The following AKAP3 variants were observed in gnomAD, a reference collection of about 807,000 sequenced individuals.
AKAP3 encodes A-kinase anchoring protein 3.
Under a neutral mutation model 57.2 loss-of-function variants are expected in AKAP3, and 27 were observed. The observed-to-expected ratio is 0.47, with a 90% CI of 0.35 to 0.65. The LOEUF is 0.65. Ranked by LOEUF, AKAP3 falls within the 30% of genes least tolerant of loss-of-function variation. The pLI is 0.01. For synonymous variants in AKAP3, 334 were observed against 392.3 expected (o/e 0.85, Z 1.76); for missense variants, 959 against 1,040.0 (o/e 0.92, Z 1.07).
chr12:4,627,918 C>G lies in AKAP3; in HGVS notation c.984G>C (p.Glu328Asp). 1.2e-6 allele frequency: 2 copies of G among 1,614,124 alleles called. No homozygotes were observed. Among genetic ancestry groups the G allele is most frequent in the Non-Finnish European group, 1.7e-6 (2 of 1,180,014 alleles). The change falls in exon 5 of 6, where the codon GAG (glutamate) becomes GAC (aspartate). Residue 328 changes from glutamate (E) to aspartate (D), a missense_variant. By Grantham distance (45) the Glu-to-Asp change is conservative. Coordinates refer to ENST00000228850, the MANE Select transcript of AKAP3 (RefSeq NM_001278309.2). ...LKKVLLKHAK[E>D]VVSDLIDSFL... ...AGGAGTCGATGAGATCCGAGACCAC[C>G]TCTTTTGCATGCTTGAGCAGAACCT...
chr12:4,632,251 G>A lies in AKAP3; in HGVS notation c.97-3446C>T, dbSNP rs568280971. Among the ~76,000 whole-genome samples the A allele has an allele frequency of 5.3e-5, 8 of 152,256 alleles. No individual in the cohort carries two copies. The South Asian group carries it at 1.0e-3, about 20-fold the overall frequency. ...AGGCTACCTCTTTAAATCTGTTAAT[G>A]AGTCTGTTCATCTTCTCCACTTAGA... On this transcript the variant is annotated intron_variant, in intron 4 of 5. Transcript: ENST00000228850.
rs138981206 is a variant in AKAP3, at chr12:4,626,980, T to C, written c.1922A>G (p.Tyr641Cys). 3 of 1,614,150 alleles carry C rather than the reference T, an allele frequency of 1.9e-6. No individual in the cohort carries two copies. In the South Asian group the frequency reaches 3.3e-5, roughly 18 times the overall value. ...GGCACCAGGGGTCTCATCATCCTCATATAGCCTGGGGGGAGAAGACGCCAA... is the reference window on the plus strand; with the variant it reads ...GGCACCAGGGGTCTCATCATCCTCACATAGCCTGGGGGGAGAAGACGCCAA... ...RPLASSPPRL[Y>C]EDDETPGALS... is the part of the protein sequence containing the mutation. Residue 641 changes from tyrosine (Y) to cysteine (C), a missense_variant, in exon 5 of 6, where the codon TAT becomes TGT. Tyr to Cys is a radical substitution (Grantham distance 194, BLOSUM62 -2). Coordinates refer to ENST00000228850, the MANE Select transcript of AKAP3 (RefSeq NM_001278309.2).
In AKAP3 at chr12:4,634,012, C is replaced by T. The variant is rs527848667; in HGVS notation, c.96+4089G>A. Among the ~76,000 whole-genome samples the T allele has an allele frequency of 3.2e-4, 48 of 149,000 alleles. No individual in the cohort carries two copies. The South Asian group carries it at 1.0e-2, about 31-fold the overall frequency. On this transcript the variant is annotated intron_variant, in intron 4 of 5. Transcript: ENST00000228850. ...GCTTTTTATACCACTTTATTCAAAC[C>T]TGAGCACCTCAATATAAAACTAAAC... is the stretch of plus-strand genomic sequence containing the variant.
At position 4,627,511 on chromosome 12, in the gene AKAP3, G is replaced by C. The variant is rs11063266; in HGVS notation, c.1391C>G (p.Thr464Ser). ...TAGAGATTTACATTCTTTCTGCTGAGTTTTATGCCACAAGGTAAGCCCCTC... is the reference window on the plus strand; with the variant it reads ...TAGAGATTTACATTCTTTCTGCTGACTTTTATGCCACAAGGTAAGCCCCTC... ...IKEGLTLWHK[T>S]QQKECKSLGF... Residue 464 changes from threonine (T) to serine (S), a missense_variant, in exon 5 of 6, where the codon ACT (threonine) becomes AGT (serine). Transcript: ENST00000228850. 0.98 allele frequency: 1,583,190 copies of C among 1,614,148 alleles called. 777,867 individuals are homozygous for C. The highest frequency in any genetic ancestry group is 1 in the Non-Finnish European group (1,177,197 of 1,180,042).
intron 5 of AKAP3, among the ~76,000 whole-genome samples, chr12:4,621,117 TAAAA>T (rs1230771452): frequency 1.3e-5 from 2 of 151,366 alleles, no homozygotes; most frequent in African/African-American, 4.9e-5. Context: ...TAATAAAAAA[TAAAA>T]AAATTAAATA....
At position 4,627,280 on chromosome 12, in the gene AKAP3, T is replaced by C. The variant is rs1043118003; in HGVS notation, c.1622A>G (p.Gln541Arg). Reference sequence around the variant, plus strand: ...GCTCCGTGCATCCCTTCTTCCTCCCTGGGCCAGGTGATATTGAATCAGAAG... The same window carrying C: ...GCTCCGTGCATCCCTTCTTCCTCCCCGGGCCAGGTGATATTGAATCAGAAG... ...ALLLIQYHLA[Q>R]GGRRDARSFV... Residue 541 changes from glutamine to arginine, a missense_variant, in exon 5 of 6, where the codon CAG becomes CGG. Transcript: ENST00000228850. 1 of 1,614,012 alleles carries C rather than the reference T, an allele frequency of 6.2e-7. No homozygotes were observed. Among genetic ancestry groups the C allele is most frequent in the South Asian group, 1.1e-5 (1 of 91,064 alleles).
chr12:4,627,961 G>A lies in AKAP3; in HGVS notation c.941C>T (p.Ala314Val). Residue 314 changes from alanine to valine, a missense_variant, in exon 5 of 6, where the codon GCC becomes GTC. Transcript: ENST00000228850. ...CAGAACCTTCTTCAGTAGGATGGTG[G>A]CAATGGTTGTGTCTTTCACTTGGAT... ...LKIQVKDTTI[A>V]TILLKKVLLK... The A allele has an allele frequency of 6.2e-7, 1 of 1,614,032 alleles. No individual in the cohort carries two copies. The highest frequency in any genetic ancestry group is 8.5e-7 in the Non-Finnish European group (1 of 1,179,984).
chr12:4,648,859 A>G lies in AKAP3; in HGVS notation c.-359T>C. ...GCATGTCCTGAGTCAGTCACTGGTT[A>G]ACTCTGAACTTCAGGTTCCTCGGCA... On this transcript the variant is annotated 5_prime_UTR_variant, in exon 1 of 6. Coordinates refer to ENST00000228850, the MANE Select transcript of AKAP3 (RefSeq NM_001278309.2). 4.2e-6 allele frequency: 2 copies of G among 475,356 alleles called. No homozygotes were observed. The highest frequency in any genetic ancestry group is 6.2e-5 in the South Asian group (2 of 32,212). 29.4% of individuals were successfully genotyped at this position (475,356 alleles called of 1,614,324 possible).
intron 3 of AKAP3, among the ~76,000 whole-genome samples, chr12:4,639,601 G>C (rs11063277): frequency 0.12 from 11,984 of 99,272 alleles, 644 homozygotes; most frequent in South Asian, 0.21. Context: ...AACAGGCCCC[G>C]GTGTGTGATG....
chr12:4,624,315 ACGTGTGTGTGTGTGTG>A (rs36224523), intron 5 of AKAP3, among the ~76,000 whole-genome samples: 61,164 of 146,114 alleles, frequency 0.42, 13,802 homozygotes, highest in Middle Eastern at 0.52. Flanking sequence ...TTGTGACTTT[ACGTGTGTGTGTGTGTG>A]TGTGTGTGTG....
intron 2 of AKAP3, among the ~76,000 whole-genome samples, chr12:4,642,983 C>T (rs183141176): frequency 9.4e-4 from 143 of 152,290 alleles, no homozygotes; most frequent in Non-Finnish European, 1.6e-3. Context: ...ATATTCAAGA[C>T]GCCTTGAAGC....
At chr12:4,620,643 T>C (rs7134765) in intron 5 of AKAP3, among the ~76,000 whole-genome samples, 51,196 of 151,924 alleles carry the variant, frequency 0.34, 9,073 homozygotes, top group East Asian at 0.67. Flanking sequence ...ATGATGGTGG[T>C]TCCATATGCT....
chr12:4,639,351 A>T (rs1225138223), intron 3 of AKAP3, among the ~76,000 whole-genome samples: 2 of 151,080 alleles, frequency 1.3e-5, no homozygotes, highest in East Asian at 1.9e-4. Flanking sequence ...TTCCCTCTTC[A>T]TCCCTTAGGC....
chr12:4,639,005 TTCTC>T (rs1198762578), intron 3 of AKAP3, among the ~76,000 whole-genome samples: 1 of 152,330 alleles, frequency 6.6e-6, no homozygotes, highest in East Asian at 1.9e-4. Context: ...TAGCTACTAT[TTCTC>T]TCTTTTTCCA....
At chr12:4,615,946 C>T in intron 5 of AKAP3, 52 bp from the exon 6 acceptor site, 39 of 1,607,244 alleles carry the variant, frequency 2.4e-5, no homozygotes, top group Non-Finnish European at 3.0e-5. Context: ...TCATGGCAGG[C>T]CAGATGGAGC....
intron 5 of AKAP3, among the ~76,000 whole-genome samples, chr12:4,617,342 C>G (rs1417967674): frequency 6.6e-6 from 1 of 152,220 alleles, no homozygotes; most frequent in Non-Finnish European, 1.5e-5. Context: ...GGAAGTTCTT[C>G]AGAGAGAAGG....
intron 4 of AKAP3, chr12:4,635,950 G>T: frequency 1.0e-6 from 1 of 985,536 alleles, no homozygotes; most frequent in Non-Finnish European, 1.6e-6. Context: ...TTTTCTTTTT[G>T]GGCCCATATT....
At chr12:4,622,623 T>C (rs1934057847) in intron 5 of AKAP3, among the ~76,000 whole-genome samples, 1 of 152,048 alleles carries the variant, frequency 6.6e-6, no homozygotes, top group Non-Finnish European at 1.5e-5. Context: ...TATACAAAAA[T>C]CAACTCAACA....
rs3083731 is a variant in AKAP3, at chr12:4,634,745, AACAC to A, written c.96+3352_96+3355del. 1.7e-4 allele frequency among the ~76,000 whole-genome samples: 11 copies of A among 65,030 alleles called. No homozygotes were observed. In the South Asian group the frequency reaches 4.4e-3, roughly 26 times the overall value. The allele number at this position is 65,030 out of a possible 152,430, so 42.7% of individuals were successfully genotyped here. A position where few individuals can be genotyped will look rare whatever the true frequency, so the allele number is the denominator to read the frequency against. On this transcript the variant is annotated intron_variant, in intron 4 of 5. Transcript: ENST00000228850. Reference sequence around the variant, plus strand: ...TTTTTTTTTTACCCCATTAAAAAAAAACACACACACACAGGACTGGCTATAATTT... The same window carrying A: ...TTTTTTTTTTACCCCATTAAAAAAAAACACACACAGGACTGGCTATAATTT...
Sources: gnomAD v4.1 joint callset for allele counts (sites outside exome capture counted in the v4.1 genomes callset) on GRCh38, gnomAD v4.1.1 for gene constraint, MANE v1.5 for transcripts, NCBI Gene and HGNC (gene_info 2026-07-23, HGNC 2026-07-21) for gene names.